FSD2: variants seen among roughly 807,000 people sequenced by gnomAD.
The protein encoded by FSD2 is fibronectin type III and SPRY domain containing 2.
Under a neutral mutation model 80.4 loss-of-function variants are expected in FSD2, and 71 were observed. The ratio of observed to expected loss-of-function variants is 0.88; its 90% CI spans 0.73 to 1.08. The LOEUF is 1.08. FSD2 is among the 50% of genes least tolerant of loss of function. FSD2 has a pLI of 0.00. For missense variants in FSD2, 923 were observed against 913.8 expected, an observed-to-expected ratio of 1.01 and a Z score of -0.13; for synonymous variants, 361 against 329.5, an observed-to-expected ratio of 1.10 and a Z score of -1.03.
intron 7 of FSD2, among the ~76,000 whole-genome samples, 168 bp downstream of exon 7, chr15:82,771,905 C>T (rs1041366266): frequency 2.0e-5 from 3 of 152,210 alleles, no homozygotes; most frequent in African/African-American, 7.2e-5. Flanking sequence ...CAGGCCCCAG[C>T]GTGCCTTGCT....
chr15:82,774,875 C>T (rs2049676233), intron 6 of FSD2, among the ~76,000 whole-genome samples: 1 of 151,700 alleles, frequency 6.6e-6, no homozygotes, highest in Non-Finnish European at 1.5e-5. Flanking sequence ...GCACGTGCCA[C>T]CACAGCCAGC....
chr15:82,765,248 A>T lies in FSD2; in HGVS notation c.1738T>A (p.Ser580Thr). The T allele has an allele frequency of 6.2e-7, 1 of 1,613,076 alleles. No individual in the cohort carries two copies. Among genetic ancestry groups the T allele is most frequent in the Non-Finnish European group, 8.5e-7 (1 of 1,179,520 alleles). The change falls in exon 11 of 13, where the codon TCT (serine) becomes ACT (threonine). Residue 580 changes from serine (S) to threonine (T), a missense_variant. Transcript: ENST00000334574. ...KDTCHPWLTI[S>T]EDGLTAVRSE... Reference sequence around the variant, plus strand: ...CGTACAGCCGTAAGTCCGTCTTCAGAAATGGTCAGCCAGGGATGGCAAGTG... The same window carrying T: ...CGTACAGCCGTAAGTCCGTCTTCAGTAATGGTCAGCCAGGGATGGCAAGTG...
chr15:82,764,652 A>G (rs1485810841), intron 11 of FSD2, among the ~76,000 whole-genome samples: 1 of 151,296 alleles, frequency 6.6e-6, no homozygotes, highest in Non-Finnish European at 1.5e-5. Flanking sequence ...TAATTTTTAT[A>G]TTTTTAGTAG....
chr15:82,787,887 C>G (rs1596254036), intron 1 of FSD2, among the ~76,000 whole-genome samples: 2 of 152,020 alleles, frequency 1.3e-5, no homozygotes, highest in East Asian at 3.9e-4. Flanking sequence ...GCAAGCAATT[C>G]TTGTGCCTCC....
intron 6 of FSD2, among the ~76,000 whole-genome samples, chr15:82,774,183 C>G (rs896925823): frequency 6.6e-6 from 1 of 152,176 alleles, no homozygotes; most frequent in Non-Finnish European, 1.5e-5. Context: ...AGCAATCCTC[C>G]CACTTCAGTC....
Position 82,787,417 on chromosome 15 carries a change from C to G in FSD2, c.-27G>C, listed in dbSNP as rs1311994348. 6.4e-7 allele frequency: 1 copy of G among 1,558,186 alleles called. No individual in the cohort carries two copies. Among genetic ancestry groups the G allele is most frequent in the Non-Finnish European group, 8.7e-7 (1 of 1,154,692 alleles). On this transcript the variant is annotated 5_prime_UTR_variant, in exon 2 of 13. Transcript: ENST00000334574. ...GTAACTCTGGAAGTCCTCAGAAGCA[C>G]CTTTATATAAGAAAGATCCTTCCTG...
In FSD2 at chr15:82,755,983, A is replaced by G. The variant is rs767707150; in HGVS notation, c.*3365T>C. 1 of 516,994 alleles carries G rather than the reference A, an allele frequency of 1.9e-6. No homozygotes were observed. Among genetic ancestry groups the G allele is most frequent in the Non-Finnish European group, 3.9e-6 (1 of 258,988 alleles). 32.0% of individuals were successfully genotyped at this position (516,994 alleles called of 1,614,324 possible). On this transcript the variant is annotated 3_prime_UTR_variant, in exon 13 of 13. Transcript: ENST00000334574. ...AAATAGAGTCCTTGAAATCAAGCTG[A>G]CTCTGCTTTTAGCCTCCTAAATGAA...
chr15:82,786,460 C>T, intron 3 of FSD2, 51 bp downstream of exon 3: 2 of 1,331,098 alleles, frequency 1.5e-6, no homozygotes, highest in Non-Finnish European at 2.1e-6. Flanking sequence ...CTTGACATAG[C>T]CATTGATGGA....
chr15:82,772,709 G>T (rs771396019), intron 6 of FSD2, among the ~76,000 whole-genome samples: 2 of 152,214 alleles, frequency 1.3e-5, no homozygotes, highest in Non-Finnish European at 2.9e-5. Context: ...GTGATTTTCA[G>T]AACCAACTTC....
chr15:82,801,869 A>G (rs369980413), intron 1 of FSD2, among the ~76,000 whole-genome samples: 11 of 152,164 alleles, frequency 7.2e-5, no homozygotes, highest in African/African-American at 2.4e-4. Flanking sequence ...GTCTTGGTCC[A>G]TGCCACCTGG....
intron 3 of FSD2, among the ~76,000 whole-genome samples, chr15:82,784,260 T>TC (rs1567312487): frequency 7.5e-6 from 1 of 133,676 alleles, no homozygotes; most frequent in Admixed American, 7.6e-5. Flanking sequence ...ATTTTATTTT[T>TC]TTTTTATGGA....
chr15:82,790,026 A>G (rs918074874), intron 1 of FSD2, among the ~76,000 whole-genome samples: 21 of 152,162 alleles, frequency 1.4e-4, no homozygotes, highest in Non-Finnish European at 1.5e-5. Context: ...AACACAAAAA[A>G]TTAGCCAGTT....
At chr15:82,768,833 A>G (rs935215158) in intron 9 of FSD2, 47 bp downstream of exon 9, 1 of 1,388,560 alleles carries the variant, frequency 7.2e-7, no homozygotes, top group East Asian at 2.6e-5. Flanking sequence ...ATGTCACTGT[A>G]TCAGGTGTCA....
At chr15:82,760,725 G>C (rs1030866745) in intron 12 of FSD2, among the ~76,000 whole-genome samples, 1 of 105,612 alleles carries the variant, frequency 9.5e-6, no homozygotes, top group Non-Finnish European at 1.9e-5. Flanking sequence ...GTGTGTGCAC[G>C]TGTGTGCGTG....
intron 1 of FSD2, among the ~76,000 whole-genome samples, chr15:82,794,003 C>T (rs2050205478): frequency 2.0e-5 from 3 of 151,688 alleles, no homozygotes; most frequent in African/African-American, 7.3e-5. Flanking sequence ...CATTAATTTC[C>T]ACTCTAATAC....
chr15:82,780,249 C>G lies in FSD2; in HGVS notation c.985G>C (p.Asp329His). 1.3e-6 allele frequency: 2 copies of G among 1,505,234 alleles called. No individual in the cohort carries two copies. The highest frequency in any genetic ancestry group is 1.8e-6 in the Non-Finnish European group (2 of 1,125,308). 93.2% of individuals were successfully genotyped at this position (1,505,234 alleles called of 1,614,324 possible). A position where few individuals can be genotyped will look rare whatever the true frequency, so the allele number is the denominator to read the frequency against. ...ATACTAGAACAAATGTATTACCTGT[C>G]AGCCATAGCCACTGCATCCTAAAAA... is the stretch of plus-strand genomic sequence containing the variant. ...DFIKDAVAMA[D>H]RLGKFLKTKT... is the part of the protein sequence containing the mutation. Residue 329 changes from aspartate (D) to histidine (H), a missense_variant, in exon 5 of 13, where the codon GAC becomes CAC. Physicochemically the swap from Asp to His is moderately conservative, Grantham distance 81. Transcript: ENST00000334574.
intron 1 of FSD2, among the ~76,000 whole-genome samples, chr15:82,799,466 T>C (rs2050359447): frequency 6.6e-6 from 1 of 152,178 alleles, no homozygotes; most frequent in African/African-American, 2.4e-5. Flanking sequence ...TCACAGCTTC[T>C]ATGTCCCCGT....
At chr15:82,802,923 T>C (rs988807991) in intron 1 of FSD2, among the ~76,000 whole-genome samples, 3 of 152,136 alleles carry the variant, frequency 2.0e-5, no homozygotes, top group Non-Finnish European at 4.4e-5. Context: ...GCATGGTCTG[T>C]GGTGTTGGGC....
At chr15:82,768,315 C>G (rs1188603105) in intron 9 of FSD2, among the ~76,000 whole-genome samples, 4 of 152,360 alleles carry the variant, frequency 2.6e-5, no homozygotes, top group African/African-American at 9.6e-5. Flanking sequence ...CCGAAGCACC[C>G]CTGCATTCGC....
Sources: gnomAD v4.1 joint callset for allele counts (sites outside exome capture counted in the v4.1 genomes callset) on GRCh38, gnomAD v4.1.1 for gene constraint, MANE v1.5 for transcripts, NCBI Gene and HGNC (gene_info 2026-07-23, HGNC 2026-07-21) for gene names.